Variants in DDR2 observed in about 807,000 individuals in gnomAD.
DDR2 encodes discoidin domain receptor tyrosine kinase 2, also known as discoidin domain-containing receptor 2.
Under a neutral mutation model 94.9 loss-of-function variants are expected in DDR2, and 27 were observed. The ratio of observed to expected loss-of-function variants is 0.28; its 90% confidence interval spans 0.21 to 0.39. DDR2 has a LOEUF of 0.39. Among genes scored for constraint, DDR2 ranks in the 10% least tolerant of loss-of-function variants. The probability of loss-of-function intolerance (pLI) is 1.00; values close to 1 mark genes in which losing one functional copy is unlikely to be tolerated. For missense variants in DDR2, 783 were observed against 1,076.0 expected, an observed-to-expected ratio of 0.73 and a Z score of 3.81; for synonymous variants, 382 against 377.2, an observed-to-expected ratio of 1.01 and a Z score of -0.15.
At chr1:162,724,986 C>G (rs1297924089) in intron 3 of DDR2, among the ~76,000 whole-genome samples, 2 of 152,086 alleles carry the variant, frequency 1.3e-5, no homozygotes, top group South Asian at 2.1e-4. Context: ...AGTAAAAGAG[C>G]CTTTCTCTGG....
chr1:162,769,025 G>A (rs1488672854), intron 11 of DDR2, among the ~76,000 whole-genome samples: 2 of 152,132 alleles, frequency 1.3e-5, no homozygotes, highest in Non-Finnish European at 2.9e-5. Context: ...AGTCTGTTAG[G>A]ACCACATTTT....
chr1:162,706,395 A>G (rs1489684674), intron 2 of DDR2, among the ~76,000 whole-genome samples: 1 of 152,228 alleles, frequency 6.6e-6, no homozygotes, highest in African/African-American at 2.4e-5. Context: ...CATATCCTCA[A>G]AGCATCGTCT....
intron 1 of DDR2, among the ~76,000 whole-genome samples, chr1:162,645,337 A>G (rs1028327014): frequency 6.6e-6 from 1 of 152,212 alleles, no homozygotes; most frequent in Non-Finnish European, 1.5e-5. Context: ...TAAAATATGT[A>G]TAATTTTAAA....
chr1:162,633,920 G>A (rs186078870), intron 1 of DDR2, among the ~76,000 whole-genome samples: 29 of 152,268 alleles, frequency 1.9e-4, no homozygotes, highest in African/African-American at 2.9e-4. Flanking sequence ...TATTTCTATC[G>A]TACATGTAAG....
chr1:162,647,372 A>C lies in DDR2; in HGVS notation c.-191-7839A>C, dbSNP rs190413849. ...GTTTTCTACTTAAATCATAGCTCTA[A>C]GGTCAATATGGATTTGTTACCGGCA... On this transcript the variant is annotated intron_variant, in intron 1 of 17. Transcript: ENST00000367921. Among the ~76,000 whole-genome samples, 232 of 152,272 alleles carry C rather than the reference A, an allele frequency of 1.5e-3. 4 individuals carry two copies. The highest frequency in any genetic ancestry group is 5.2e-3 in the African/African-American group (217 of 41,554).
intron 2 of DDR2, among the ~76,000 whole-genome samples, chr1:162,716,871 C>A (rs538279048): frequency 4.6e-5 from 7 of 152,120 alleles, no homozygotes; most frequent in Non-Finnish European, 1.0e-4. Context: ...CCTTCAAGAA[C>A]CTGATCAGAT....
At chr1:162,641,876 G>T (rs554236634) in intron 1 of DDR2, among the ~76,000 whole-genome samples, 1 of 152,252 alleles carries the variant, frequency 6.6e-6, no homozygotes, top group South Asian at 2.1e-4. Context: ...AGATAAGGAG[G>T]AACAGATAAG....
At chr1:162,674,152 A>G (rs556583820) in intron 2 of DDR2, among the ~76,000 whole-genome samples, 5 of 152,076 alleles carry the variant, frequency 3.3e-5, no homozygotes, top group South Asian at 2.1e-4. Context: ...TTGCTTTTCT[A>G]TTCTTCCCAA....
chr1:162,695,957 C>T (rs1194236249), intron 2 of DDR2, among the ~76,000 whole-genome samples: 1 of 152,154 alleles, frequency 6.6e-6, no homozygotes, highest in South Asian at 2.1e-4. Context: ...CACAGTTCCT[C>T]TGACTGAAAA....
chr1:162,679,447 C>G (rs1659293053), intron 2 of DDR2, among the ~76,000 whole-genome samples: 1 of 152,150 alleles, frequency 6.6e-6, no homozygotes, highest in Non-Finnish European at 1.5e-5. Flanking sequence ...TATGGAGCCT[C>G]CAGCTCCATC....
At chr1:162,698,742 T>G (rs1209311223) in intron 2 of DDR2, among the ~76,000 whole-genome samples, 1 of 152,188 alleles carries the variant, frequency 6.6e-6, no homozygotes, top group Non-Finnish European at 1.5e-5. Context: ...TGTAGGCACT[T>G]TGTAATTTAC....
intron 3 of DDR2, among the ~76,000 whole-genome samples, chr1:162,731,572 T>G (rs773320554): frequency 2.6e-5 from 4 of 152,186 alleles, no homozygotes; most frequent in Non-Finnish European, 5.9e-5. Context: ...TATAAACAAG[T>G]GCAATTACTA....
intron 2 of DDR2, among the ~76,000 whole-genome samples, chr1:162,716,651 C>T (rs115242267): frequency 0.037 from 5,593 of 152,074 alleles, 134 homozygotes; most frequent in South Asian, 0.071. Flanking sequence ...TTAAATCTTC[C>T]GTGTTTTATT....
intron 2 of DDR2, among the ~76,000 whole-genome samples, chr1:162,714,249 C>T (rs569106757): frequency 6.6e-6 from 1 of 152,122 alleles, no homozygotes; most frequent in South Asian, 2.1e-4. Context: ...TTTATGATGT[C>T]TTTTGGTCTT....
chr1:162,752,212 A>T (rs1663247835), intron 3 of DDR2, among the ~76,000 whole-genome samples: 1 of 151,950 alleles, frequency 6.6e-6, no homozygotes, highest in Non-Finnish European at 1.5e-5. Context: ...AACTAGGTAT[A>T]CTCTATTTTA....
intron 3 of DDR2, chr1:162,741,851 C>A (rs1182348522): frequency 2.6e-5 from 17 of 659,252 alleles, no homozygotes; most frequent in Non-Finnish European, 3.0e-5. Context: ...TCACTGGTGA[C>A]AAGGACTAAA....
chr1:162,651,080 A>G (rs535658345), intron 1 of DDR2, among the ~76,000 whole-genome samples: 5 of 152,090 alleles, frequency 3.3e-5, no homozygotes, highest in African/African-American at 9.6e-5. Flanking sequence ...TCCTGATGTC[A>G]TTATTGTACA....
At position 162,643,798 on chromosome 1, in the gene DDR2, A is replaced by C. The variant is rs999678105; in HGVS notation, c.-192+11167A>C. Among the ~76,000 whole-genome samples, 4 of 152,208 alleles carry C rather than the reference A, an allele frequency of 2.6e-5. No homozygotes were observed. The South Asian group carries it at 8.3e-4, about 31-fold the overall frequency. ...ACCCGGCCAGAAGATCTAATTTTCT[A>C]ACTTACAATGTACTCGAATATTGAA... On this transcript the variant is annotated intron_variant, in intron 1 of 17. Coordinates refer to ENST00000367921, the MANE Select transcript of DDR2 (RefSeq NM_006182.4).
chr1:162,741,414 G>C (rs1381926911), intron 3 of DDR2, among the ~76,000 whole-genome samples: 2 of 150,454 alleles, frequency 1.3e-5, no homozygotes, highest in African/African-American at 4.9e-5. Flanking sequence ...TGTTCAAAAA[G>C]CATCAGATTT....
Sources: allele counts gnomAD v4.1 joint callset (sites outside exome capture counted in the v4.1 genomes callset), GRCh38; gene constraint gnomAD v4.1.1; transcripts MANE v1.5; gene names NCBI Gene and HGNC (gene_info 2026-07-23, HGNC 2026-07-21).